NRCAM: variants seen among roughly 807,000 people sequenced by gnomAD.
NRCAM encodes the protein neuronal cell adhesion molecule.
A neutral mutation model predicts 156.5 loss-of-function variants in NRCAM; 83 were observed. That is an observed-to-expected ratio of 0.53 (90% CI 0.44 to 0.64). The LOEUF (loss-of-function observed/expected upper bound fraction) is 0.64. Ranked by LOEUF, NRCAM falls within the 30% of genes least tolerant of loss-of-function variation. NRCAM has a pLI of 0.00. For synonymous variants in NRCAM, 538 were observed against 563.9 expected (o/e 0.95, Z 0.65); for missense variants, 1,417 against 1,597.3 (o/e 0.89, Z 1.92).
chr7:108,319,185 A>G (rs2098969952), intron 2 of NRCAM, among the ~76,000 whole-genome samples: 1 of 152,234 alleles, frequency 6.6e-6, no homozygotes, highest in South Asian at 2.1e-4. Context: ...ACATGGCTAT[A>G]AACTTCCTTC....
intron 1 of NRCAM, among the ~76,000 whole-genome samples, chr7:108,450,241 T>C (rs1848771414): frequency 6.8e-6 from 1 of 146,152 alleles, no homozygotes; most frequent in African/African-American, 2.5e-5. Flanking sequence ...TTATAATTTG[T>C]TCCCTTTACC....
intron 28 of NRCAM, among the ~76,000 whole-genome samples, chr7:108,172,718 T>C (rs17134758): frequency 0.09 from 13,772 of 152,266 alleles, 757 homozygotes; most frequent in African/African-American, 0.15. Context: ...GTCTCGCGTA[T>C]GTAATTATCT....
chr7:108,181,671 C>T, intron 24 of NRCAM, 151 bp downstream of exon 24: 1 of 435,370 alleles, frequency 2.3e-6, no homozygotes. Flanking sequence ...CTGGCAGTGG[C>T]TACCTGAGGC....
chr7:108,452,933 C>G (rs763303619), intron 1 of NRCAM, among the ~76,000 whole-genome samples: 3 of 152,168 alleles, frequency 2.0e-5, no homozygotes, highest in Non-Finnish European at 4.4e-5. Context: ...AGGGCTTTCT[C>G]AGATGTGCAT....
intron 2 of NRCAM, among the ~76,000 whole-genome samples, chr7:108,392,808 G>C (rs2099764688): frequency 6.6e-6 from 1 of 152,202 alleles, no homozygotes; most frequent in Non-Finnish European, 1.5e-5. Context: ...TCGGCTGCAG[G>C]TCTGTTGGGG....
Position 108,233,986 on chromosome 7 carries a change from G to T in NRCAM, c.230+597C>A, listed in dbSNP as rs139161586. ...TCCCAACTCTAAAATGCTTTGCAGT[G>T]ATCTAAAATGCTATGCAAGATCCAA... On this transcript the variant is annotated intron_variant, in intron 6 of 32. Coordinates refer to ENST00000379028, the MANE Select transcript of NRCAM (RefSeq NM_001037132.4). Among the ~76,000 whole-genome samples, 1,521 of 152,276 alleles carry T rather than the reference G, an allele frequency of 1.0e-2. 8 individuals are homozygous for T. Among genetic ancestry groups the T allele is most frequent in the Non-Finnish European group, 0.017 (1,133 of 68,006 alleles).
At chr7:108,226,556 A>G (rs113037862) in intron 8 of NRCAM, among the ~76,000 whole-genome samples, 178 bp from the exon 9 acceptor site, 5 of 151,322 alleles carry the variant, frequency 3.3e-5, no homozygotes, top group Admixed American at 1.3e-4. Context: ...AATACGTAAC[A>G]CACTAAAACT....
chr7:108,454,968 A>C (rs892637983), intron 1 of NRCAM, among the ~76,000 whole-genome samples: 13 of 152,160 alleles, frequency 8.5e-5, no homozygotes, highest in African/African-American at 3.1e-4. Context: ...CGGGGTGCGA[A>C]AGAAACGCCA....
chr7:108,225,595 T>C, intron 10 of NRCAM, 50 bp downstream of exon 10: 1 of 1,155,666 alleles, frequency 8.7e-7, no homozygotes, highest in Non-Finnish European at 1.3e-6. Flanking sequence ...GTTAGTGAAC[T>C]AAATTCTACA....
At chr7:108,412,386 T>G (rs1796497035) in intron 1 of NRCAM, among the ~76,000 whole-genome samples, 1 of 100,790 alleles carries the variant, frequency 9.9e-6, no homozygotes, top group African/African-American at 3.6e-5. Flanking sequence ...CCTTCCTCTT[T>G]TCCCCCTCAT....
At position 108,176,528 on chromosome 7, in the gene NRCAM, A is replaced by C; in HGVS notation, c.3053T>G (p.Leu1018Ter). Residue 1018 changes from leucine to a stop codon, truncating the protein, a stop_gained, in exon 27 of 33, where the codon TTA (leucine) becomes TGA (stop). Transcript: ENST00000379028. LOFTEE classifies it high-confidence loss of function. ...ANKTRWTLKN[L>*]NFSTRYKFYF... is the part of the protein sequence containing the mutation. ...AAACTTATATCGAGTGCTGAAATTT[A>C]AATTTTTTAAAGTCCACCGTGTCTT... 1 of 1,613,758 alleles carries C rather than the reference A, an allele frequency of 6.2e-7. No homozygotes were observed. The highest frequency in any genetic ancestry group is 8.5e-7 in the Non-Finnish European group (1 of 1,179,820).
intron 1 of NRCAM, among the ~76,000 whole-genome samples, chr7:108,422,708 C>A (rs1395945503): frequency 6.6e-6 from 1 of 152,128 alleles, no homozygotes; most frequent in African/African-American, 2.4e-5. Flanking sequence ...AGAACAGTGC[C>A]AGGCATTGAG....
intron 29 of NRCAM, among the ~76,000 whole-genome samples, chr7:108,167,500 G>A (rs2055327568): frequency 6.6e-6 from 1 of 152,130 alleles, no homozygotes; most frequent in African/African-American, 2.4e-5. Flanking sequence ...AAACTTAAAT[G>A]CCTTCCAACG....
intron 5 of NRCAM, among the ~76,000 whole-genome samples, chr7:108,236,166 C>T (rs1158213285): frequency 1.3e-5 from 2 of 152,144 alleles, no homozygotes; most frequent in East Asian, 3.9e-4. Context: ...GTTGCTAGAG[C>T]TAAATGTATC....
intron 3 of NRCAM, among the ~76,000 whole-genome samples, chr7:108,241,356 A>T (rs1194649086): frequency 2.0e-5 from 3 of 152,166 alleles, no homozygotes; most frequent in African/African-American, 7.2e-5. Flanking sequence ...GAAGATTGAT[A>T]TCCATCCCAC....
chr7:108,349,818 G>A (rs77375416), intron 2 of NRCAM, among the ~76,000 whole-genome samples: 4 of 151,998 alleles, frequency 2.6e-5, no homozygotes, highest in African/African-American at 7.3e-5. Flanking sequence ...TCCCTACACC[G>A]AGGTCATAGC....
At chr7:108,231,298 C>A (rs2094299189) in intron 7 of NRCAM, 145 bp from the exon 8 acceptor site, 1 of 587,810 alleles carries the variant, frequency 1.7e-6, no homozygotes, top group Non-Finnish European at 2.8e-6. Context: ...TTTTTAAATA[C>A]AATGTTAAAA....
chr7:108,183,521 ATGTC>A (rs2064758497), intron 22 of NRCAM, among the ~76,000 whole-genome samples: 1 of 151,516 alleles, frequency 6.6e-6, no homozygotes, highest in Admixed American at 6.6e-5. Flanking sequence ...GGCTTGGTGC[ATGTC>A]TTCCAGGTGG....
intron 1 of NRCAM, among the ~76,000 whole-genome samples, chr7:108,411,259 T>G (rs1252173422): frequency 6.6e-6 from 1 of 152,196 alleles, no homozygotes; most frequent in African/African-American, 2.4e-5. Flanking sequence ...TAACCTTTCC[T>G]GGGAGATACA....
Sources: gnomAD v4.1 joint callset for allele counts (sites outside exome capture counted in the v4.1 genomes callset) on GRCh38, gnomAD v4.1.1 for gene constraint, MANE v1.5 for transcripts, NCBI Gene and HGNC (gene_info 2026-07-23, HGNC 2026-07-21) for gene names.